Variants in CEP128 observed in about 807,000 individuals in gnomAD.
CEP128 encodes the protein centrosomal protein 128, also known as centrosomal protein 128kDa.
A neutral mutation model predicts 156.7 loss-of-function variants in CEP128; 132 were observed. The observed-to-expected ratio is 0.84, with a 90% CI of 0.73 to 0.97. The LOEUF is 0.97. Ranked by LOEUF, CEP128 falls within the 50% of genes least tolerant of loss-of-function variation. The pLI, the probability that CEP128 is intolerant of heterozygous loss-of-function variation, is 0.00. For missense variants in CEP128, 1,252 were observed against 1,281.9 expected (o/e 0.98, Z 0.36); for synonymous variants, 469 against 448.9 (o/e 1.04, Z -0.57).
intron 19 of CEP128, among the ~76,000 whole-genome samples, chr14:80,663,617 G>T (rs535190242): frequency 6.6e-6 from 1 of 152,284 alleles, no homozygotes; most frequent in East Asian, 1.9e-4. Flanking sequence ...CACTAGCACT[G>T]ACTGAGCCTC....
intron 13 of CEP128, among the ~76,000 whole-genome samples, chr14:80,803,935 C>T (rs1595427594): frequency 6.6e-6 from 1 of 151,976 alleles, no homozygotes; most frequent in East Asian, 1.9e-4. Context: ...TTTATACTAG[C>T]TAAACTGTCA....
chr14:80,857,409 A>G (rs994336486), intron 9 of CEP128, among the ~76,000 whole-genome samples: 5 of 152,172 alleles, frequency 3.3e-5, no homozygotes, highest in African/African-American at 9.6e-5. Flanking sequence ...CTGTGTACAC[A>G]GAAAAGGCTG....
intron 1 of CEP128, among the ~76,000 whole-genome samples, chr14:80,940,395 T>C (rs942761703): frequency 2.6e-5 from 4 of 152,240 alleles, no homozygotes; most frequent in African/African-American, 9.6e-5. Context: ...ACCTTATCTC[T>C]AGTGCTGTCC....
chr14:80,670,959 T>C (rs1240918942), intron 19 of CEP128, among the ~76,000 whole-genome samples: 2 of 152,212 alleles, frequency 1.3e-5, no homozygotes, highest in Non-Finnish European at 2.9e-5. Flanking sequence ...ATAGTACTAA[T>C]TGTTACCTTG....
chr14:80,653,251 T>C (rs1233967011), intron 19 of CEP128, among the ~76,000 whole-genome samples: 1 of 151,968 alleles, frequency 6.6e-6, no homozygotes, highest in African/African-American at 2.4e-5. Context: ...GGTTGATGGG[T>C]GCAGCAAATC....
rs773009664 is a variant in CEP128 at position 80,530,929 on chromosome 14, G to T, written c.2881-43C>A. The T allele has an allele frequency of 3.9e-6, 5 of 1,287,162 alleles. No individual in the cohort carries two copies. The South Asian group carries it at 4.1e-5, about 10-fold the overall frequency. The allele number at this position is 1,287,162 out of a possible 1,614,324, so 79.7% of individuals were successfully genotyped here. On this transcript the variant is annotated intron_variant, in intron 21 of 24. Transcript: ENST00000555265. Reference sequence around the variant, plus strand: ...AGGAAACCAAACATTATAAAAAATTGATTAATACTCTCAGAATCCACATAC... The same window carrying T: ...AGGAAACCAAACATTATAAAAAATTTATTAATACTCTCAGAATCCACATAC...
At chr14:80,947,978 C>T (rs916679091) in intron 2 of CEP128, among the ~76,000 whole-genome samples, 4 of 152,192 alleles carry the variant, frequency 2.6e-5, no homozygotes, top group African/African-American at 9.7e-5. Context: ...GCTTTGTTCC[C>T]TCTAGCCAAC....
chr14:80,785,883 A>C (rs948137436), intron 14 of CEP128, among the ~76,000 whole-genome samples: 5 of 152,186 alleles, frequency 3.3e-5, no homozygotes, highest in Non-Finnish European at 5.9e-5. Flanking sequence ...TATAAAGAAA[A>C]CTTACTACAG....
Position 80,792,752 on chromosome 14 carries a change from T to C in CEP128, c.1560+8A>G. 2 of 1,610,772 alleles carry C rather than the reference T, an allele frequency of 1.2e-6. No individual in the cohort carries two copies. The highest frequency in any genetic ancestry group is 1.7e-6 in the Non-Finnish European group (2 of 1,177,426). On this transcript the variant is annotated splice_region_variant and intron_variant, in intron 14 of 24. Transcript: ENST00000555265. The stretch of plus-strand genomic sequence containing the variant: ...GAAAACCGTTCCTTAGGAATGTGGC[T>C]TTTATACCTGATTATTCTTGCCTGT...
chr14:80,799,754 G>C (rs1194424775), intron 13 of CEP128, among the ~76,000 whole-genome samples: 1 of 152,166 alleles, frequency 6.6e-6, no homozygotes, highest in Non-Finnish European at 1.5e-5. Context: ...GCTTACTAGG[G>C]TGGGGAAAAA....
intron 2 of CEP128, among the ~76,000 whole-genome samples, chr14:80,919,952 T>A (rs1443714587): frequency 6.6e-6 from 1 of 152,234 alleles, no homozygotes; most frequent in Non-Finnish European, 1.5e-5. Flanking sequence ...AGGTGAGATA[T>A]ATCTGAGAAA....
chr14:80,533,217 C>T (rs1889311776), intron 21 of CEP128, among the ~76,000 whole-genome samples: 2 of 151,970 alleles, frequency 1.3e-5, no homozygotes, highest in South Asian at 2.1e-4. Context: ...GACTCTTGAA[C>T]AATAAAATAC....
At chr14:80,477,461 T>A (rs745338628) in exon 15 of CEP128, 12 of 152,146 alleles carry the variant, frequency 7.9e-5, no homozygotes, top group Non-Finnish European at 1.3e-4. Flanking sequence ...AGAGAAACCA[T>A]AAATAAAAGA....
intron 13 of CEP128, among the ~76,000 whole-genome samples, chr14:80,802,241 T>C (rs2139894613): frequency 6.6e-6 from 1 of 152,272 alleles, no homozygotes; most frequent in South Asian, 2.1e-4. Context: ...TGCACACGTA[T>C]GTTTATTGCG....
intron 4 of CEP128, among the ~76,000 whole-genome samples, chr14:80,909,306 T>G (rs1319804318): frequency 6.6e-6 from 1 of 152,050 alleles, no homozygotes; most frequent in Admixed American, 6.6e-5. Flanking sequence ...AGCATCCTTT[T>G]TATGTAGGCT....
intron 19 of CEP128, among the ~76,000 whole-genome samples, chr14:80,644,052 A>C (rs943894590): frequency 6.6e-6 from 1 of 152,212 alleles, no homozygotes; most frequent in Non-Finnish European, 1.5e-5. Context: ...GAAGAAGGCC[A>C]TGTGAAGACA....
In CEP128 at chr14:80,864,242, T is replaced by C. The variant is rs117513173; in HGVS notation, c.646-1369A>G. ...TATTGTCAAGGCTTCCTGTCAACAGTAGGCTATTAGTAGTGAAGTTCTGGG... is the reference window on the plus strand; with the variant it reads ...TATTGTCAAGGCTTCCTGTCAACAGCAGGCTATTAGTAGTGAAGTTCTGGG... On this transcript the variant is annotated intron_variant, in intron 8 of 24. Transcript: ENST00000555265. 8.5e-3 allele frequency among the ~76,000 whole-genome samples: 1,293 copies of C among 152,316 alleles called. 25 individuals carry two copies. The highest frequency in any genetic ancestry group is 0.083 in the South Asian group (399 of 4,828).
At chr14:80,785,663 A>G in intron 14 of CEP128, 118 bp from the exon 15 acceptor site, 2 of 729,634 alleles carry the variant, frequency 2.7e-6, no homozygotes, top group Non-Finnish European at 4.2e-6. Context: ...AAATTCATCA[A>G]ATAATTTTTG....
chr14:80,922,279 G>A (rs942379893), intron 2 of CEP128, among the ~76,000 whole-genome samples: 2 of 152,126 alleles, frequency 1.3e-5, no homozygotes, highest in East Asian at 3.8e-4. Context: ...GTAGGGCCAT[G>A]CCACTAGTTC....
Sources: allele counts gnomAD v4.1 joint callset (sites outside exome capture counted in the v4.1 genomes callset), GRCh38; gene constraint gnomAD v4.1.1; transcripts MANE v1.5; gene names NCBI Gene and HGNC (gene_info 2026-07-23, HGNC 2026-07-21).